Variants in MAGI2 observed in about 807,000 individuals in gnomAD.
The protein encoded by MAGI2 is membrane associated guanylate kinase, WW and PDZ domain containing 2, also known as membrane-associated guanylate kinase, WW and PDZ domain-containing protein 2.
A neutral mutation model predicts 133.3 loss-of-function variants in MAGI2; 35 were observed. The ratio of observed to expected loss-of-function variants is 0.26; its 90% CI spans 0.20 to 0.35. The LOEUF (loss-of-function observed/expected upper bound fraction) is 0.35, where lower values mean the gene tolerates loss of function less well. Among genes scored for constraint, MAGI2 ranks in the 10% least tolerant of loss-of-function variants. The probability of loss-of-function intolerance (pLI) is 1.00; values close to 1 mark genes in which losing one functional copy is unlikely to be tolerated. For synonymous variants in MAGI2, 729 were observed against 710.6 expected (o/e 1.03, Z -0.41); for missense variants, 1,636 against 1,863.4 (o/e 0.88, Z 2.25).
chr7:78,113,021 G>T (rs1342630103), intron 20 of MAGI2, among the ~76,000 whole-genome samples: 1 of 152,136 alleles, frequency 6.6e-6, no homozygotes, highest in Non-Finnish European at 1.5e-5. Flanking sequence ...CTTTTGGGAA[G>T]AGGGAGCAAC....
chr7:79,030,495 T>C (rs1297454257), intron 1 of MAGI2: 2 of 152,228 alleles, frequency 1.3e-5, no homozygotes, highest in East Asian at 3.8e-4. Context: ...AGGGACGTAG[T>C]TCTCCGTTTT....
At chr7:78,701,909 A>G (rs1352397787) in intron 2 of MAGI2, among the ~76,000 whole-genome samples, 1 of 151,976 alleles carries the variant, frequency 6.6e-6, no homozygotes, top group Non-Finnish European at 1.5e-5. Flanking sequence ...TAAGGTTTCA[A>G]TGAGCAACAA....
chr7:78,486,623 T>A (rs138933388), intron 6 of MAGI2: 1 of 307,232 alleles, frequency 3.3e-6, no homozygotes, highest in Non-Finnish European at 6.6e-6. Flanking sequence ...GGTGCAGTGA[T>A]TGAAGGAGGA....
chr7:78,290,043 C>T (rs191409758), intron 9 of MAGI2, among the ~76,000 whole-genome samples: 134 of 152,280 alleles, frequency 8.8e-4, no homozygotes, highest in Admixed American at 1.4e-3. Flanking sequence ...GAAACTGCAT[C>T]AACAAACGGG....
At chr7:78,874,726 A>C (rs1368732012) in intron 2 of MAGI2, among the ~76,000 whole-genome samples, 1 of 152,182 alleles carries the variant, frequency 6.6e-6, no homozygotes, top group African/African-American at 2.4e-5. Flanking sequence ...ATTACACAGT[A>C]GGGAGAATAC....
intron 4 of MAGI2, among the ~76,000 whole-genome samples, chr7:78,517,724 G>T (rs1796157726): frequency 1.3e-5 from 2 of 152,074 alleles, no homozygotes; most frequent in African/African-American, 4.8e-5. Flanking sequence ...GTGACAGAGG[G>T]AGAAATATTT....
At chr7:78,151,067 T>C (rs1823822238) in intron 16 of MAGI2, among the ~76,000 whole-genome samples, 1 of 144,674 alleles carries the variant, frequency 6.9e-6, no homozygotes, top group Non-Finnish European at 1.5e-5. Context: ...TATATTTATA[T>C]TTATATTTAT....
intron 6 of MAGI2, among the ~76,000 whole-genome samples, chr7:78,389,948 A>G (rs773282987): frequency 6.6e-6 from 1 of 152,242 alleles, no homozygotes; most frequent in Non-Finnish European, 1.5e-5. Context: ...TCATGTGGAC[A>G]CTGTGTTTTT....
chr7:78,981,258 A>G (rs1804759587), intron 2 of MAGI2, among the ~76,000 whole-genome samples: 1 of 151,528 alleles, frequency 6.6e-6, no homozygotes, highest in Non-Finnish European at 1.5e-5. Context: ...TAGAATTCCT[A>G]GTAGATTATA....
chr7:78,183,521 C>A (rs969849818), intron 13 of MAGI2, among the ~76,000 whole-genome samples: 2 of 152,012 alleles, frequency 1.3e-5, no homozygotes, highest in Non-Finnish European at 2.9e-5. Flanking sequence ...GACTCGGCCT[C>A]CCAAAGTGCT....
At chr7:78,581,892 G>A (rs1302576206) in intron 3 of MAGI2, among the ~76,000 whole-genome samples, 1 of 152,178 alleles carries the variant, frequency 6.6e-6, no homozygotes, top group Non-Finnish European at 1.5e-5. Context: ...AGGCCTGTTT[G>A]TTAAGATTCT....
chr7:79,396,129 AT>A (rs1018811416), intron 1 of MAGI2, among the ~76,000 whole-genome samples: 68 of 149,244 alleles, frequency 4.6e-4, no homozygotes, highest in South Asian at 8.5e-4. Flanking sequence ...CCAAAGATCT[AT>A]TTTTTTTTTC....
At chr7:78,683,824 G>T (rs999028817) in intron 2 of MAGI2, among the ~76,000 whole-genome samples, 1 of 152,130 alleles carries the variant, frequency 6.6e-6, no homozygotes, top group Non-Finnish European at 1.5e-5. Context: ...TAACGTTTCT[G>T]TCTCTTTGGT....
chr7:79,235,402 G>T (rs926357943), intron 1 of MAGI2, among the ~76,000 whole-genome samples: 11 of 151,126 alleles, frequency 7.3e-5, no homozygotes, highest in Non-Finnish European at 1.3e-4. Flanking sequence ...CCTCGCTGCC[G>T]CCTTGCAGTT....
intron 1 of MAGI2, among the ~76,000 whole-genome samples, chr7:79,042,933 C>T (rs1342831999): frequency 1.3e-5 from 2 of 152,070 alleles, no homozygotes; most frequent in African/African-American, 2.4e-5. Context: ...AAGAAGACCC[C>T]TCAAAACTAT....
intron 6 of MAGI2, among the ~76,000 whole-genome samples, chr7:78,465,695 G>T (rs1352745703): frequency 6.6e-6 from 1 of 152,106 alleles, no homozygotes; most frequent in Non-Finnish European, 1.5e-5. Context: ...TAAATGGGAG[G>T]CAGAAAATGA....
chr7:78,416,076 T>C lies in MAGI2; in HGVS notation c.1046-46863A>G, dbSNP rs151304358. Among the ~76,000 whole-genome samples the C allele has an allele frequency of 1.5e-3, 230 of 152,202 alleles. 2 individuals are homozygous for C. The highest frequency in any genetic ancestry group is 5.1e-3 in the African/African-American group (210 of 41,548). On this transcript the variant is annotated intron_variant, in intron 6 of 21. Transcript: ENST00000354212. The stretch of plus-strand genomic sequence containing the variant: ...GCATGGATTTCGGCTGCCTGAGGCA[T>C]GAACTGGCCAATGTGTGGTGACAGC...
chr7:79,111,209 T>A (rs866066599), intron 1 of MAGI2, among the ~76,000 whole-genome samples: 17 of 152,346 alleles, frequency 1.1e-4, no homozygotes, highest in African/African-American at 3.1e-4. Context: ...TATTATTAAC[T>A]CAGACTTTTT....
intron 2 of MAGI2, among the ~76,000 whole-genome samples, chr7:78,845,481 G>A (rs1792512001): frequency 6.6e-6 from 1 of 151,834 alleles, no homozygotes; most frequent in African/African-American, 2.4e-5. Context: ...ATGATACGAA[G>A]TTATTTCAGT....
Sources: gnomAD v4.1 joint callset for allele counts (sites outside exome capture counted in the v4.1 genomes callset) on GRCh38, gnomAD v4.1.1 for gene constraint, MANE v1.5 for transcripts, NCBI Gene and HGNC (gene_info 2026-07-23, HGNC 2026-07-21) for gene names.